GRK4: variants seen among roughly 807,000 people sequenced by gnomAD.
GRK4 encodes the protein G protein-coupled receptor kinase 2-like.
In GRK4, 73 loss-of-function variants were observed where a neutral mutation model predicts 77.9. That is an observed-to-expected ratio of 0.94 (90% CI 0.78 to 1.14). The LOEUF (loss-of-function observed/expected upper bound fraction) is 1.14. Among genes scored for constraint, GRK4 ranks in the 50% most tolerant of loss-of-function variants. GRK4 has a pLI of 0.00. For missense variants in GRK4, 729 were observed against 700.2 expected (o/e 1.04, Z -0.46); for synonymous variants, 257 against 254.4 (o/e 1.01, Z -0.10).
At chr4:3,032,733 T>C (rs1739509864) in intron 12 of GRK4, among the ~76,000 whole-genome samples, 1 of 152,240 alleles carries the variant, frequency 6.6e-6, no homozygotes, top group Non-Finnish European at 1.5e-5. Flanking sequence ...TTTATAGGAT[T>C]GTTGGGAGGA....
chr4:2,988,758 A>G lies in GRK4; in HGVS notation c.180A>G (p.Gln60=), dbSNP rs753699504. Residue 60 remains glutamine, a synonymous_variant, in exon 3 of 16, where the codon CAA becomes CAG. Transcript: ENST00000398052. ...EKDYSSLCDK[Q]PIGRRLFRQF... The stretch of plus-strand genomic sequence containing the variant: ...ATTATAGCAGTCTTTGTGACAAGCA[A>G]CCGATAGGAAGACGTCTCTTCAGGC... 4 of 1,612,536 alleles carry G rather than the reference A, an allele frequency of 2.5e-6. No individual in the cohort carries two copies. Among genetic ancestry groups the G allele is most frequent in the Non-Finnish European group, 3.4e-6 (4 of 1,178,678 alleles).
At chr4:3,006,795 T>C (rs1337081721) in intron 5 of GRK4, among the ~76,000 whole-genome samples, 1 of 151,990 alleles carries the variant, frequency 6.6e-6, no homozygotes, top group East Asian at 1.9e-4. Context: ...GTTGGCTCCA[T>C]GGCTCCATTT....
At chr4:3,026,624 G>A (rs1737649007) in intron 10 of GRK4, among the ~76,000 whole-genome samples, 1 of 152,204 alleles carries the variant, frequency 6.6e-6, no homozygotes, top group African/African-American at 2.4e-5. Context: ...CTGTACAAGG[G>A]GAGGAAACTG....
At chr4:2,990,246 C>CTTT (rs71644371) in intron 3 of GRK4, among the ~76,000 whole-genome samples, 1,911 of 70,780 alleles carry the variant, frequency 0.027, 4 homozygotes, top group Non-Finnish European at 0.034. Context: ...TCTTCTTCTT[C>CTTT]TTTTTTTTTT....
intron 10 of GRK4, among the ~76,000 whole-genome samples, 180 bp downstream of exon 10, chr4:3,022,631 C>T (rs1459678089): frequency 6.6e-6 from 1 of 152,040 alleles, no homozygotes; most frequent in Non-Finnish European, 1.5e-5. Flanking sequence ...TTGGTCATTC[C>T]CCTGTGTTTA....
In GRK4 at chr4:3,001,089, ATG is replaced by A. The variant is rs1490130793; in HGVS notation, c.340-3126_340-3125del. Among the ~76,000 whole-genome samples the A allele has an allele frequency of 2.3e-4, 19 of 82,414 alleles. 2 individuals carry two copies. The highest frequency in any genetic ancestry group is 7.6e-4 in the African/African-American group (13 of 17,206). 54.1% of individuals were successfully genotyped at this position (82,414 alleles called of 152,430 possible). A position where few individuals can be genotyped will look rare whatever the true frequency, so the allele number is the denominator to read the frequency against. ...TAAATGAGACTATATATATATATATATGTGTGTGTGTGTGTGTATATATATGT... is the reference window on the plus strand; with the variant it reads ...TAAATGAGACTATATATATATATATATGTGTGTGTGTGTGTATATATATGT... On this transcript the variant is annotated intron_variant, in intron 4 of 15. Coordinates refer to ENST00000398052, the MANE Select transcript of GRK4 (RefSeq NM_182982.3).
chr4:2,974,858 C>T (rs952870777), intron 1 of GRK4, among the ~76,000 whole-genome samples: 6 of 152,224 alleles, frequency 3.9e-5, no homozygotes, highest in Non-Finnish European at 8.8e-5. Context: ...GAAGTACTAG[C>T]TGGGCAGCCA....
chr4:2,967,019 A>G (rs1177802212), intron 1 of GRK4: 1 of 152,182 alleles, frequency 6.6e-6, no homozygotes, highest in Non-Finnish European at 1.5e-5. Flanking sequence ...TTGGGTCATG[A>G]GAGTGGAACC....
At chr4:2,996,836 A>G (rs1728087080) in intron 4 of GRK4, among the ~76,000 whole-genome samples, 2 of 152,164 alleles carry the variant, frequency 1.3e-5, no homozygotes, top group African/African-American at 2.4e-5. Context: ...ATAAAAAGCA[A>G]TGATTCACGT....
intron 10 of GRK4, 48 bp from the exon 11 acceptor site, chr4:3,027,864 G>A (rs369413745): frequency 6.6e-7 from 1 of 1,505,076 alleles, no homozygotes. Context: ...TTGTTACGGT[G>A]TCATTACTTC....
intron 10 of GRK4, among the ~76,000 whole-genome samples, chr4:3,023,004 G>A (rs529949663): frequency 1.6e-4 from 25 of 152,144 alleles, no homozygotes; most frequent in Non-Finnish European, 3.4e-4. Flanking sequence ...GCACATTAAA[G>A]TAAACACAAA....
chr4:3,013,902 G>T (rs185026117), intron 8 of GRK4, 74 bp downstream of exon 8: 44 of 1,438,972 alleles, frequency 3.1e-5, no homozygotes, highest in Middle Eastern at 1.8e-4. Context: ...ATGCCGCTCA[G>T]CTCACGCTCA....
At chr4:2,975,383 A>G (rs1261931229) in intron 1 of GRK4, among the ~76,000 whole-genome samples, 1 of 152,174 alleles carries the variant, frequency 6.6e-6, no homozygotes, top group Non-Finnish European at 1.5e-5. Flanking sequence ...GCCTACATAA[A>G]GAACCAAATG....
At position 3,009,677 on chromosome 4, in the gene GRK4, A is replaced by G. The variant is rs367979401; in HGVS notation, c.566A>G (p.His189Arg). The G allele has an allele frequency of 1.2e-6, 2 of 1,613,872 alleles. No homozygotes were observed. Among genetic ancestry groups the G allele is most frequent in the East Asian group, 2.2e-5 (1 of 44,892 alleles). ...CCCGTAACAAAGAACACATTTAGAC[A>G]TTACAGAGTTCTAGGAAAAGGCGGA... ...RQPVTKNTFR[H>R]YRVLGKGGFG... Residue 189 changes from histidine (H) to arginine (R), a missense_variant, in exon 7 of 16, where the codon CAT becomes CGT. Transcript: ENST00000398052.
At chr4:3,035,913 C>G (rs1046262119) in intron 13 of GRK4, among the ~76,000 whole-genome samples, 9 of 152,146 alleles carry the variant, frequency 5.9e-5, no homozygotes, top group African/African-American at 2.2e-4. Context: ...CTCCCTGCCT[C>G]GTGTCACTGT....
At chr4:2,983,287 C>T (rs1560373083) in intron 1 of GRK4, among the ~76,000 whole-genome samples, 1 of 152,170 alleles carries the variant, frequency 6.6e-6, no homozygotes, top group Non-Finnish European at 1.5e-5. Flanking sequence ...TGGCTTTTGC[C>T]CTGGTTTCCT....
Position 3,037,424 on chromosome 4 carries a change from G to A in GRK4, c.1458G>A (p.Val486=), listed in dbSNP as rs756982643. 5 of 1,611,542 alleles carry A rather than the reference G, an allele frequency of 3.1e-6. No individual in the cohort carries two copies. The highest frequency in any genetic ancestry group is 1.1e-5 in the South Asian group (1 of 90,982). Residue 486 remains valine, a synonymous_variant, in exon 14 of 16, where the codon GTG becomes GTA. Coordinates refer to ENST00000398052, the MANE Select transcript of GRK4 (RefSeq NM_182982.3). ...KDVLDIEQFS[V]VKGIYLDTAD... is the part of the protein sequence containing the mutation. Reference sequence around the variant, plus strand: ...TCCTGGATATCGAGCAGTTCTCGGTGGTGAAAGGGATCTACCTGGACACCG... The same window carrying A: ...TCCTGGATATCGAGCAGTTCTCGGTAGTGAAAGGGATCTACCTGGACACCG...
At chr4:2,964,632 A>G (rs993921721) in intron 1 of GRK4, among the ~76,000 whole-genome samples, 1 of 152,192 alleles carries the variant, frequency 6.6e-6, no homozygotes, top group African/African-American at 2.4e-5. Flanking sequence ...CTGAGGCTCT[A>G]TGGTGTGTCA....
chr4:3,025,476 G>A (rs1260424653), intron 10 of GRK4, among the ~76,000 whole-genome samples: 22 of 135,970 alleles, frequency 1.6e-4, no homozygotes, highest in South Asian at 7.5e-4. Context: ...TGTAAGCTCC[G>A]CCTCCCAGGT....
Sources: gnomAD v4.1 joint callset for allele counts (sites outside exome capture counted in the v4.1 genomes callset) on GRCh38, gnomAD v4.1.1 for gene constraint, MANE v1.5 for transcripts, NCBI Gene and HGNC (gene_info 2026-07-23, HGNC 2026-07-21) for gene names.